The following SEM1 variants were observed in gnomAD, a reference collection of about 807,000 sequenced individuals.
SEM1 encodes 26S proteasome complex subunit SEM1.
SEM1 carries 3 observed loss-of-function variants against 12.7 expected under a neutral mutation model. The observed-to-expected ratio is 0.24, with a 90% confidence interval of 0.11 to 0.61. The LOEUF (loss-of-function observed/expected upper bound fraction) is 0.61. SEM1 is among the 20% of genes least tolerant of loss of function. SEM1 has a pLI of 0.88. For synonymous variants in SEM1, 30 were observed against 27.8 expected (o/e 1.08, Z -0.25); for missense variants, 59 against 81.3 (o/e 0.73, Z 1.06).
intron 2 of SEM1, among the ~76,000 whole-genome samples, chr7:96,556,979 A>G (rs952323651): frequency 2.7e-5 from 4 of 149,528 alleles, no homozygotes; most frequent in East Asian, 2.0e-4. Flanking sequence ...CCAGTTGATC[A>G]CATCGGCTCC....
chr7:96,555,675 G>T (rs1805461801), intron 2 of SEM1, among the ~76,000 whole-genome samples: 1 of 144,858 alleles, frequency 6.9e-6, no homozygotes, highest in Non-Finnish European at 1.5e-5. Flanking sequence ...TGTTGATTTG[G>T]GGTGGAGAGT....
At chr7:96,637,812 C>T (rs1808475633) in intron 2 of SEM1, among the ~76,000 whole-genome samples, 1 of 152,036 alleles carries the variant, frequency 6.6e-6, no homozygotes, top group South Asian at 2.1e-4. Context: ...CCTCTTATTA[C>T]CCTGGCTAAT....
chr7:96,533,519 T>C (rs935615774), intron 2 of SEM1, among the ~76,000 whole-genome samples: 3 of 152,066 alleles, frequency 2.0e-5, no homozygotes, highest in East Asian at 3.9e-4. Context: ...ACTTTTTTCT[T>C]AGCTTCTCCA....
intron 2 of SEM1, among the ~76,000 whole-genome samples, chr7:96,610,800 G>T (rs1420610511): frequency 1.3e-5 from 2 of 152,172 alleles, no homozygotes; most frequent in Non-Finnish European, 2.9e-5. Context: ...TCACAGCGTT[G>T]CTGTTGGCCC....
Position 96,513,525 on chromosome 7 carries a change from T to TA in SEM1, c.171-6828dup, listed in dbSNP as rs1227587029. On this transcript the variant is annotated intron_variant and NMD_transcript_variant, in intron 2 of 3. Coordinates refer to the SEM1 transcript ENST00000466986. ...GTTTCTTTCCAGGTCTTTTATCTAT[T>TA]AATATGTATGTAAAGAACGTAGGCT... Among the ~76,000 whole-genome samples, 3 of 152,198 alleles carry TA rather than the reference T, an allele frequency of 2.0e-5. No homozygotes were observed. In the East Asian group the frequency reaches 5.8e-4, roughly 29 times the overall value.
At chr7:96,622,398 C>T (rs1174158225), downstream of SEM1, 1 of 506,046 alleles carries the variant, frequency 2.0e-6, no homozygotes. Context: ...AAAAATTTCT[C>T]TTGTATTTGA....
chr7:96,599,301 T>A (rs1807115841), intron 2 of SEM1, among the ~76,000 whole-genome samples: 1 of 152,172 alleles, frequency 6.6e-6, no homozygotes, highest in Non-Finnish European at 1.5e-5. Context: ...CTGAAAGCCT[T>A]TTCTTGCAGA....
chr7:96,518,011 T>C (rs1400715966), intron 2 of SEM1, among the ~76,000 whole-genome samples: 1 of 152,122 alleles, frequency 6.6e-6, no homozygotes, highest in African/African-American at 2.4e-5. Context: ...TTAGGCCAGA[T>C]GATACAAGGA....
At chr7:96,610,671 T>A (rs188079039) in intron 2 of SEM1, among the ~76,000 whole-genome samples, 13 of 152,308 alleles carry the variant, frequency 8.5e-5, no homozygotes, top group Admixed American at 2.6e-4. Flanking sequence ...TCTTCCAATA[T>A]AGAATTGGAA....
chr7:96,559,759 C>T (rs1349868249), intron 2 of SEM1, among the ~76,000 whole-genome samples: 1 of 152,170 alleles, frequency 6.6e-6, no homozygotes, highest in East Asian at 1.9e-4. Flanking sequence ...ACCTAGTTCC[C>T]TTAAGTTAGG....
intron 1 of SEM1, among the ~76,000 whole-genome samples, chr7:96,699,942 A>G (rs1239583400): frequency 6.6e-6 from 1 of 152,180 alleles, no homozygotes; most frequent in Non-Finnish European, 1.5e-5. Context: ...ACTACTTACT[A>G]AGTTCAAAGA....
chr7:96,565,402 A>G (rs1805816482), intron 2 of SEM1, among the ~76,000 whole-genome samples: 1 of 151,948 alleles, frequency 6.6e-6, no homozygotes, highest in East Asian at 1.9e-4. Context: ...GGAGGCAGCC[A>G]TTATAGTCTA....
intron 3 of SEM1, among the ~76,000 whole-genome samples, chr7:96,484,153 A>G (rs978127128): frequency 1.3e-5 from 2 of 152,184 alleles, no homozygotes; most frequent in Admixed American, 6.5e-5. Context: ...TCCCCAAAAA[A>G]AGATAGCTAG....
intron 2 of SEM1, among the ~76,000 whole-genome samples, chr7:96,592,186 A>G (rs1806850483): frequency 6.6e-6 from 1 of 151,754 alleles, no homozygotes; most frequent in South Asian, 2.1e-4. Context: ...ACGCCAGTCA[A>G]TGGGAGGTTG....
intron 2 of SEM1, among the ~76,000 whole-genome samples, chr7:96,575,579 C>T (rs1806176841): frequency 6.6e-6 from 1 of 152,200 alleles, no homozygotes; most frequent in African/African-American, 2.4e-5. Flanking sequence ...CCACCCCTTC[C>T]CCCAGGTGCT....
chr7:96,708,483 T>C (rs553423185), intron 1 of SEM1, among the ~76,000 whole-genome samples: 1 of 152,246 alleles, frequency 6.6e-6, no homozygotes, highest in Admixed American at 6.5e-5. Flanking sequence ...TAGTAATTGC[T>C]TGATGCAACA....
intron 2 of SEM1, among the ~76,000 whole-genome samples, chr7:96,691,566 C>T (rs966288671): frequency 6.6e-6 from 1 of 152,218 alleles, no homozygotes; most frequent in Admixed American, 6.5e-5. Context: ...GACCAAATAA[C>T]ATCAGACAAC....
intron 2 of SEM1, among the ~76,000 whole-genome samples, chr7:96,611,585 T>A (rs1220947192): frequency 6.6e-6 from 1 of 152,210 alleles, no homozygotes; most frequent in Non-Finnish European, 1.5e-5. Flanking sequence ...AAAGCAGATC[T>A]GGAAAATGAG....
chr7:96,703,972 A>AAC (rs67174798), intron 1 of SEM1, among the ~76,000 whole-genome samples: 12,011 of 142,018 alleles, frequency 0.085, 651 homozygotes, highest in African/African-American at 0.16. Context: ...GTCTCTTAAA[A>AAC]ACACACACAC....
Sources: gnomAD v4.1 joint callset for allele counts (sites outside exome capture counted in the v4.1 genomes callset) on GRCh38, gnomAD v4.1.1 for gene constraint, MANE v1.5 for transcripts, NCBI Gene and HGNC (gene_info 2026-07-23, HGNC 2026-07-21) for gene names.